The following MAPRE2 variants were observed in gnomAD, a reference collection of about 807,000 sequenced individuals.
The protein encoded by MAPRE2 is microtubule associated protein RP/EB family member 2.
Under a neutral mutation model 43.2 loss-of-function variants are expected in MAPRE2, and 13 were observed. The ratio of observed to expected loss-of-function variants is 0.30; its 90% CI spans 0.20 to 0.48. MAPRE2 has a LOEUF of 0.48. Among genes scored for constraint, MAPRE2 ranks in the 20% least tolerant of loss-of-function variants. The probability of loss-of-function intolerance (pLI) is 0.99; values close to 1 mark genes in which losing one functional copy is unlikely to be tolerated. For missense variants in MAPRE2, 161 were observed against 400.2 expected, an observed-to-expected ratio of 0.40 and a Z score of 5.10; for synonymous variants, 135 against 148.8, an observed-to-expected ratio of 0.91 and a Z score of 0.68.
intron 2 of MAPRE2, among the ~76,000 whole-genome samples, chr18:35,010,295 A>G (rs1278284270): frequency 6.6e-6 from 1 of 152,198 alleles, no homozygotes; most frequent in African/African-American, 2.4e-5. Context: ...AGTTGCAGCT[A>G]TTCAGGAGGC....
At chr18:35,095,390 ACACACACACACG>A (rs1184601230) in intron 2 of MAPRE2, among the ~76,000 whole-genome samples, 3 of 145,742 alleles carry the variant, frequency 2.1e-5, no homozygotes, top group African/African-American at 5.4e-5. Context: ...ACACACACAC[ACACACACACACG>A]CACACACACA....
chr18:35,019,930 C>A (rs1435307736), intron 2 of MAPRE2, among the ~76,000 whole-genome samples: 2 of 151,994 alleles, frequency 1.3e-5, no homozygotes, highest in African/African-American at 4.8e-5. Context: ...TTCTTAAGAA[C>A]AATGGATGAG....
intron 2 of MAPRE2, among the ~76,000 whole-genome samples, chr18:35,088,130 C>A (rs1907965324): frequency 6.6e-6 from 1 of 152,128 alleles, no homozygotes; most frequent in African/African-American, 2.4e-5. Flanking sequence ...AGGGGATATC[C>A]AAACCATAGC....
chr18:35,015,948 G>C (rs1222927161), intron 2 of MAPRE2, among the ~76,000 whole-genome samples: 1 of 151,620 alleles, frequency 6.6e-6, no homozygotes, highest in African/African-American at 2.4e-5. Context: ...TTCAACCCTT[G>C]CCCCCTTCCT....
chr18:35,123,826 A>C (rs149857443), intron 4 of MAPRE2, among the ~76,000 whole-genome samples: 114 of 152,316 alleles, frequency 7.5e-4, no homozygotes, highest in African/African-American at 2.7e-3. Context: ...TGGGTTAGGC[A>C]CTGTGATTGG....
At position 35,140,304 on chromosome 18, in the gene MAPRE2, A is replaced by G; in HGVS notation, c.919A>G (p.Thr307Ala). 6.2e-7 allele frequency: 1 copy of G among 1,613,758 alleles called. No individual in the cohort carries two copies. Among genetic ancestry groups the G allele is most frequent in the South Asian group, 1.1e-5 (1 of 90,950 alleles). ...LYASEEHEGH[T>A]EEPEAEEQAH... ...TCTCCCCTGCCCACAGGAGGGCCAC[A>G]CAGAAGAGCCGGAAGCAGAGGAGCA... is the stretch of plus-strand genomic sequence containing the variant. The change falls in exon 7 of 7, where the codon ACA becomes GCA. Residue 307 changes from threonine to alanine, a missense_variant. By Grantham distance (58) the Thr-to-Ala change is moderately conservative. Transcript: ENST00000300249.
At chr18:35,139,086 A>G (rs1346847833) in intron 6 of MAPRE2, among the ~76,000 whole-genome samples, 1 of 152,198 alleles carries the variant, frequency 6.6e-6, no homozygotes, top group African/African-American at 2.4e-5. Flanking sequence ...GTGTCATAGC[A>G]GAGGAAGAAA....
intron 1 of MAPRE2, among the ~76,000 whole-genome samples, chr18:34,982,765 A>G (rs530024970): frequency 6.6e-6 from 1 of 152,196 alleles, no homozygotes; most frequent in Non-Finnish European, 1.5e-5. Flanking sequence ...AGCTGTGTTG[A>G]GATAAAACTC....
At chr18:35,091,035 A>G (rs944440123) in intron 2 of MAPRE2, among the ~76,000 whole-genome samples, 4 of 152,228 alleles carry the variant, frequency 2.6e-5, no homozygotes, top group Non-Finnish European at 4.4e-5. Flanking sequence ...ATGGAAACAT[A>G]TAAAACATTG....
At chr18:35,053,869 G>A (rs1906079453) in intron 1 of MAPRE2, among the ~76,000 whole-genome samples, 1 of 152,100 alleles carries the variant, frequency 6.6e-6, no homozygotes, top group African/African-American at 2.4e-5. Flanking sequence ...GAAATAATCT[G>A]TACAGCAAAC....
chr18:35,003,245 G>A (rs1192732689), intron 1 of MAPRE2, among the ~76,000 whole-genome samples: 1 of 152,186 alleles, frequency 6.6e-6, no homozygotes, highest in African/African-American at 2.4e-5. Flanking sequence ...CTGAACTTAT[G>A]ATGATGGAGT....
chr18:35,025,934 A>C (rs1489423295), intron 2 of MAPRE2, among the ~76,000 whole-genome samples: 1 of 152,146 alleles, frequency 6.6e-6, no homozygotes, highest in Non-Finnish European at 1.5e-5. Context: ...CTTTCTATAC[A>C]CGGTGGGGCA....
intron 2 of MAPRE2, among the ~76,000 whole-genome samples, chr18:35,023,018 G>A (rs2097042895): frequency 6.6e-6 from 1 of 152,140 alleles, no homozygotes; most frequent in African/African-American, 2.4e-5. Flanking sequence ...TAGATACTGT[G>A]TTGATAAGAA....
chr18:35,106,231 TG>T (rs1908897427), intron 4 of MAPRE2, among the ~76,000 whole-genome samples: 1 of 152,196 alleles, frequency 6.6e-6, no homozygotes, highest in African/African-American at 2.4e-5. Context: ...AAGCAGTGGC[TG>T]GTATCATCAA....
At chr18:35,113,757 GTGGCACACACC>G (rs780209841) in intron 4 of MAPRE2, among the ~76,000 whole-genome samples, 141 of 152,144 alleles carry the variant, frequency 9.3e-4, no homozygotes, top group Non-Finnish European at 1.5e-3. Context: ...GCCAAGCATG[GTGGCACACACC>G]TGTAGTCCCA....
chr18:35,061,451 G>A (rs1356299455), intron 1 of MAPRE2, among the ~76,000 whole-genome samples: 1 of 152,160 alleles, frequency 6.6e-6, no homozygotes, highest in Admixed American at 6.5e-5. Context: ...TCAGTTCCGT[G>A]CTCACACCCC....
intron 2 of MAPRE2, among the ~76,000 whole-genome samples, chr18:35,018,603 T>G (rs1280773385): frequency 6.6e-6 from 1 of 152,018 alleles, no homozygotes; most frequent in Non-Finnish European, 1.5e-5. Context: ...ATTTTCTAGT[T>G]TGTGTGCATA....
chr18:35,070,056 A>G (rs1347231845), intron 1 of MAPRE2, 139 bp from the exon 2 acceptor site: 3 of 510,036 alleles, frequency 5.9e-6, no homozygotes, highest in Admixed American at 3.9e-5. Flanking sequence ...TGTAAAATAG[A>G]AAAAGATGCT....
chr18:34,978,824 C>T (rs1363330552), intron 1 of MAPRE2, among the ~76,000 whole-genome samples: 2 of 152,196 alleles, frequency 1.3e-5, no homozygotes, highest in African/African-American at 2.4e-5. Context: ...CACTGGTTCT[C>T]AAATTTTGCT....
Sources: allele counts gnomAD v4.1 joint callset (sites outside exome capture counted in the v4.1 genomes callset), GRCh38; gene constraint gnomAD v4.1.1; transcripts MANE v1.5; gene names NCBI Gene and HGNC (gene_info 2026-07-23, HGNC 2026-07-21).